Variants in TNRC6A observed in about 807,000 individuals in gnomAD.
TNRC6A encodes the protein trinucleotide repeat containing adaptor 6A, also known as trinucleotide repeat-containing gene 6A protein.
TNRC6A carries 44 observed loss-of-function variants against 221.2 expected under a neutral mutation model. The ratio of observed to expected loss-of-function variants is 0.20; its 90% CI spans 0.16 to 0.26. The LOEUF is 0.26. TNRC6A is among the 10% of genes least tolerant of loss of function. TNRC6A has a pLI of 1.00. For synonymous variants in TNRC6A, 847 were observed against 838.5 expected (o/e 1.01, Z -0.18); for missense variants, 2,199 against 2,404.4 (o/e 0.91, Z 1.79).
intron 4 of TNRC6A, among the ~76,000 whole-genome samples, chr16:24,761,671 C>T (rs2057366851): frequency 6.6e-6 from 1 of 151,858 alleles, no homozygotes; most frequent in African/African-American, 2.4e-5. Flanking sequence ...TCCTGAGTAG[C>T]TGGGACTGTA....
At chr16:24,819,637 CA>C (rs1220229140) in intron 21 of TNRC6A, 2 of 173,788 alleles carry the variant, frequency 1.2e-5, no homozygotes, top group African/African-American at 2.4e-5. Flanking sequence ...GTGTCAGGAC[CA>C]CAGACAGCAC....
chr16:24,776,237 C>T, intron 4 of TNRC6A: 1 of 982,438 alleles, frequency 1.0e-6, no homozygotes, highest in Non-Finnish European at 1.2e-6. Context: ...TTTTATGAGT[C>T]AAAAATTTCC....
chr16:24,744,994 G>A (rs1246403182), intron 2 of TNRC6A, among the ~76,000 whole-genome samples: 4 of 151,952 alleles, frequency 2.6e-5, no homozygotes, highest in African/African-American at 9.7e-5. Flanking sequence ...GGAGACCTTT[G>A]TTTTGCAGCT....
intron 5 of TNRC6A, among the ~76,000 whole-genome samples, chr16:24,788,253 A>G (rs2058017111): frequency 1.3e-5 from 2 of 152,244 alleles, no homozygotes; most frequent in South Asian, 4.1e-4. Flanking sequence ...GTGATCTTCA[A>G]CATAACTAAC....
chr16:24,707,920 G>A (rs2056127837), intron 2 of TNRC6A, among the ~76,000 whole-genome samples: 1 of 152,164 alleles, frequency 6.6e-6, no homozygotes. Flanking sequence ...TTAGCCCGGT[G>A]TGATGACACG....
intron 4 of TNRC6A, among the ~76,000 whole-genome samples, chr16:24,762,994 T>A (rs887339999): frequency 7.9e-5 from 12 of 151,736 alleles, no homozygotes; most frequent in African/African-American, 1.5e-4. Flanking sequence ...TTTTTTTTTT[T>A]TAAATTGTAG....
chr16:24,661,700 C>A (rs1241925068), intron 2 of TNRC6A: 1 of 152,292 alleles, frequency 6.6e-6, no homozygotes, highest in Non-Finnish European at 1.5e-5. Context: ...GCATGAGCCA[C>A]CTCACCTGGC....
At chr16:24,731,984 G>C (rs772846895) in intron 2 of TNRC6A, among the ~76,000 whole-genome samples, 2 of 152,246 alleles carry the variant, frequency 1.3e-5, no homozygotes, top group Non-Finnish European at 2.9e-5. Flanking sequence ...GTACAGTCTA[G>C]TAGAAAGACT....
At chr16:24,810,801 A>C (rs2058526870) in intron 18 of TNRC6A, among the ~76,000 whole-genome samples, 1 of 152,224 alleles carries the variant, frequency 6.6e-6, no homozygotes, top group African/African-American at 2.4e-5. Flanking sequence ...AGAGGCAGTT[A>C]AGACTTAAAG....
chr16:24,655,318 T>C (rs1346578056), intron 2 of TNRC6A, among the ~76,000 whole-genome samples: 1 of 152,168 alleles, frequency 6.6e-6, no homozygotes, highest in African/African-American at 2.4e-5. Flanking sequence ...AAATTCTGCT[T>C]TGTGGTTTTA....
At chr16:24,813,820 T>TA (rs1262630777) in intron 18 of TNRC6A, among the ~76,000 whole-genome samples, 1 of 152,266 alleles carries the variant, frequency 6.6e-6, no homozygotes, top group Non-Finnish European at 1.5e-5. Context: ...TTATATCATC[T>TA]GTTTCTCTTA....
At chr16:24,669,696 A>G (rs74451059) in intron 2 of TNRC6A, among the ~76,000 whole-genome samples, 209 of 152,154 alleles carry the variant, frequency 1.4e-3, no homozygotes, top group African/African-American at 4.8e-3. Flanking sequence ...CTGAGTCGCC[A>G]GTGATTCATC....
At chr16:24,734,803 G>C (rs1024256339) in intron 2 of TNRC6A, among the ~76,000 whole-genome samples, 1 of 152,138 alleles carries the variant, frequency 6.6e-6, no homozygotes, top group Non-Finnish European at 1.5e-5. Context: ...TTACTATCAT[G>C]TACTAAATGT....
intron 9 of TNRC6A, 70 bp downstream of exon 9, chr16:24,796,009 T>C: frequency 6.5e-7 from 1 of 1,538,444 alleles, no homozygotes; most frequent in Non-Finnish European, 9.0e-7. Context: ...ACTGCAAACA[T>C]TTATTTAGCC....
At chr16:24,774,093 G>A (rs747754831) in intron 4 of TNRC6A, among the ~76,000 whole-genome samples, 54 of 152,098 alleles carry the variant, frequency 3.6e-4, no homozygotes, top group Non-Finnish European at 6.8e-4. Context: ...AATAGATGAA[G>A]TTTTCTAATT....
chr16:24,614,523 T>C (rs1358319485), intron 1 of TNRC6A, among the ~76,000 whole-genome samples: 1 of 152,222 alleles, frequency 6.6e-6, no homozygotes, highest in African/African-American at 2.4e-5. Flanking sequence ...CAGACTTTGC[T>C]TTTTGCTTGG....
Position 24,629,852 on chromosome 16 carries a change from T to A in TNRC6A, n.277-11032T>A, listed in dbSNP as rs1290647365. Among the ~76,000 whole-genome samples, 4 of 152,062 alleles carry A rather than the reference T, an allele frequency of 2.6e-5. No individual in the cohort carries two copies. The East Asian group carries it at 7.7e-4, about 29-fold the overall frequency. ...TAGGTGTGCTGGTGCGTGCCTGTTA[T>A]TCCCAGCTACTCAGGAGGCAGAGCC... On this transcript the variant is annotated intron_variant and non_coding_transcript_variant, in intron 1 of 2. Transcript: ENST00000566108.
intron 5 of TNRC6A, among the ~76,000 whole-genome samples, chr16:24,784,535 G>T (rs2151812256): frequency 6.6e-6 from 1 of 152,144 alleles, no homozygotes; most frequent in South Asian, 2.1e-4. Flanking sequence ...GGTTGCCCAG[G>T]ATAGTCTCAC....
At chr16:24,668,600 A>T (rs2055224876) in intron 2 of TNRC6A, among the ~76,000 whole-genome samples, 1 of 152,120 alleles carries the variant, frequency 6.6e-6, no homozygotes, top group Non-Finnish European at 1.5e-5. Flanking sequence ...TCCACCTGGC[A>T]TTGGCCACCG....
Sources: gnomAD v4.1 joint callset for allele counts (sites outside exome capture counted in the v4.1 genomes callset) on GRCh38, gnomAD v4.1.1 for gene constraint, MANE v1.5 for transcripts, NCBI Gene and HGNC (gene_info 2026-07-23, HGNC 2026-07-21) for gene names.